NIPAL2: variants seen among roughly 807,000 people sequenced by gnomAD.
NIPAL2 encodes NIPA like domain containing 2.
NIPAL2 carries 43 observed loss-of-function variants against 48.9 expected under a neutral mutation model. That is an observed-to-expected ratio of 0.88 (90% CI 0.69 to 1.13). The LOEUF (loss-of-function observed/expected upper bound fraction) is 1.13, where lower values mean the gene tolerates loss of function less well. Ranked by LOEUF, NIPAL2 falls within the 50% of genes most tolerant of loss-of-function variation. The pLI, the probability that NIPAL2 is intolerant of heterozygous loss-of-function variation, is 0.00. For synonymous variants in NIPAL2, 167 were observed against 174.6 expected, an observed-to-expected ratio of 0.96 and a Z score of 0.34; for missense variants, 446 against 461.4, an observed-to-expected ratio of 0.97 and a Z score of 0.31.
Position 98,263,536 on chromosome 8 carries a change from T to G in NIPAL2, c.136-9449A>C, listed in dbSNP as rs1032407809. On this transcript the variant is annotated intron_variant, in intron 1 of 10. Coordinates refer to ENST00000430223, the MANE Select transcript of NIPAL2 (RefSeq NM_001321635.2). Reference sequence around the variant, plus strand: ...ATAAACTAGAAAATCTAGAAGAAATTGATAAATTCCTCGACACATACACTC... The same window carrying G: ...ATAAACTAGAAAATCTAGAAGAAATGGATAAATTCCTCGACACATACACTC... 4.7e-3 allele frequency among the ~76,000 whole-genome samples: 692 copies of G among 148,592 alleles called. 5 individuals carry two copies. The highest frequency in any genetic ancestry group is 0.017 in the African/African-American group (658 of 38,922).
intron 2 of NIPAL2, among the ~76,000 whole-genome samples, chr8:98,252,927 A>G (rs2130830432): frequency 6.6e-6 from 1 of 152,192 alleles, no homozygotes; most frequent in South Asian, 2.1e-4. Context: ...AGAAATAAAC[A>G]TTTCATACAT....
At chr8:98,245,838 G>A (rs1201212510) in intron 3 of NIPAL2, among the ~76,000 whole-genome samples, 3 of 152,208 alleles carry the variant, frequency 2.0e-5, no homozygotes, top group African/African-American at 7.2e-5. Flanking sequence ...AAACTTCAGA[G>A]TTTTATTTCA....
At chr8:98,282,533 C>T (rs1265784086) in intron 1 of NIPAL2, among the ~76,000 whole-genome samples, 1 of 152,000 alleles carries the variant, frequency 6.6e-6, no homozygotes. Flanking sequence ...ACCAGCTGGG[C>T]GTGGTGGCAC....
chr8:98,206,605 A>G (rs937794717), intron 6 of NIPAL2, among the ~76,000 whole-genome samples: 4 of 151,928 alleles, frequency 2.6e-5, no homozygotes, highest in African/African-American at 9.7e-5. Flanking sequence ...TGGCTAGCAC[A>G]GTGAAACCCT....
At chr8:98,283,677 C>T (rs927014250) in intron 1 of NIPAL2, among the ~76,000 whole-genome samples, 1 of 152,200 alleles carries the variant, frequency 6.6e-6, no homozygotes, top group African/African-American at 2.4e-5. Flanking sequence ...AAGCTGGATG[C>T]TGTGAGCTCT....
chr8:98,192,118 A>G lies in NIPAL2; in HGVS notation c.*860T>C, dbSNP rs1810325489. ...GACATAGGATATTAAATTTTTCTTC[A>G]GTTTCAAGTATGATAGAATCATACA... is the stretch of plus-strand genomic sequence containing the variant. On this transcript the variant is annotated 3_prime_UTR_variant, in exon 11 of 11. Transcript: ENST00000430223. 6.6e-6 allele frequency: 1 copy of G among 152,228 alleles called. No homozygotes were observed. Among genetic ancestry groups the G allele is most frequent in the Non-Finnish European group, 1.5e-5 (1 of 68,044 alleles). The allele number at this position is 152,228 out of a possible 1,614,324, so 9.4% of individuals were successfully genotyped here. A position where few individuals can be genotyped will look rare whatever the true frequency, so the allele number is the denominator to read the frequency against.
rs1810359420 is a variant in NIPAL2, at chr8:98,192,857, G to A, written c.*121C>T. On this transcript the variant is annotated 3_prime_UTR_variant, in exon 11 of 11. Coordinates refer to ENST00000430223, the MANE Select transcript of NIPAL2 (RefSeq NM_001321635.2). ...TCCATAGACGCTGAGGTGGGGGAAA[G>A]GACTGAAATGAATGCTAGCACATGT... 3.0e-6 allele frequency: 2 copies of A among 669,210 alleles called. No homozygotes were observed. Among genetic ancestry groups the A allele is most frequent in the Non-Finnish European group, 5.4e-6 (2 of 372,352 alleles). 41.5% of individuals were successfully genotyped at this position (669,210 alleles called of 1,614,324 possible).
chr8:98,211,328 T>C (rs1811303895), intron 6 of NIPAL2, among the ~76,000 whole-genome samples: 1 of 152,224 alleles, frequency 6.6e-6, no homozygotes, highest in Non-Finnish European at 1.5e-5. Flanking sequence ...TTTTGTTTCT[T>C]AGTTGTCTGC....
intron 1 of NIPAL2, among the ~76,000 whole-genome samples, chr8:98,260,753 A>G (rs918252495): frequency 1.8e-4 from 27 of 152,376 alleles, no homozygotes; most frequent in African/African-American, 6.0e-4. Flanking sequence ...GCAGCCGGGA[A>G]GCTCCAACTG....
intron 1 of NIPAL2, among the ~76,000 whole-genome samples, chr8:98,292,497 G>A (rs1372950911): frequency 6.6e-6 from 1 of 152,112 alleles, no homozygotes; most frequent in African/African-American, 2.4e-5. Context: ...AGCACATTCT[G>A]GATACATCCT....
chr8:98,199,510 GGA>G (rs1810709516), intron 8 of NIPAL2, among the ~76,000 whole-genome samples: 1 of 152,126 alleles, frequency 6.6e-6, no homozygotes, highest in Admixed American at 6.6e-5. Flanking sequence ...CCAAGGGGAA[GGA>G]GAGAGATGTG....
chr8:98,250,115 C>G (rs1361273114), intron 3 of NIPAL2, among the ~76,000 whole-genome samples: 1 of 152,130 alleles, frequency 6.6e-6, no homozygotes, highest in Non-Finnish European at 1.5e-5. Context: ...CTCTCTCTCT[C>G]TCTGTCTCCT....
intron 1 of NIPAL2, among the ~76,000 whole-genome samples, chr8:98,278,016 G>A (rs1159873670): frequency 6.6e-6 from 1 of 152,046 alleles, no homozygotes. Flanking sequence ...CAAACTCTCT[G>A]TCACTCTGCA....
rs71572005 is a variant in NIPAL2, at chr8:98,280,736, C to CTATATATATA, written c.135+13257_135+13266dup. 4.7e-3 allele frequency among the ~76,000 whole-genome samples: 182 copies of CTATATATATA among 38,982 alleles called. 10 individuals are homozygous for CTATATATATA. Among genetic ancestry groups the CTATATATATA allele is most frequent in the South Asian group, 6.8e-3 (6 of 886 alleles). The allele number at this position is 38,982 out of a possible 152,430, so 25.6% of individuals were successfully genotyped here. On this transcript the variant is annotated intron_variant, in intron 1 of 10. Transcript: ENST00000430223. ...CCTCTGACTTTCAAATAGTCCATTACTATATATATATATATATATATATAT... is the reference window on the plus strand; with the variant it reads ...CCTCTGACTTTCAAATAGTCCATTACTATATATATATATATATATATATATATATATATAT...
intron 10 of NIPAL2, 40 bp downstream of exon 10, chr8:98,194,687 TA>T: frequency 8.8e-7 from 1 of 1,132,706 alleles, no homozygotes; most frequent in South Asian, 1.7e-5. Flanking sequence ...TATTCATTTA[TA>T]AGGATCAAAT....
At chr8:98,237,603 T>C (rs1430202059) in intron 3 of NIPAL2, among the ~76,000 whole-genome samples, 1 of 152,120 alleles carries the variant, frequency 6.6e-6, no homozygotes, top group Non-Finnish European at 1.5e-5. Context: ...AGCAGAACAC[T>C]CAAAGAGCTA....
At chr8:98,237,450 C>T (rs1475083246) in intron 3 of NIPAL2, among the ~76,000 whole-genome samples, 1 of 152,074 alleles carries the variant, frequency 6.6e-6, no homozygotes, top group Non-Finnish European at 1.5e-5. Flanking sequence ...AGACCTTTAG[C>T]TTCCCTCTGA....
intron 1 of NIPAL2, among the ~76,000 whole-genome samples, chr8:98,273,587 T>C (rs1815269312): frequency 6.6e-6 from 1 of 152,138 alleles, no homozygotes; most frequent in South Asian, 2.1e-4. Flanking sequence ...TAGATAGAGA[T>C]ATTTGTCCAA....
rs1476721857 is a variant in NIPAL2, at chr8:98,292,455, A to G, written c.135+1548T>C. Among the ~76,000 whole-genome samples, 3 of 152,236 alleles carry G rather than the reference A, an allele frequency of 2.0e-5. No homozygotes were observed. The East Asian group carries it at 5.8e-4, about 29-fold the overall frequency. On this transcript the variant is annotated intron_variant, in intron 1 of 10. Coordinates refer to ENST00000430223, the MANE Select transcript of NIPAL2 (RefSeq NM_001321635.2). The stretch of plus-strand genomic sequence containing the variant: ...TGATACAGTTTTATCTCAAACCAGC[A>G]AAGTTTAGATGTCAGCTCAGTAATT...
Sources: allele counts gnomAD v4.1 joint callset (sites outside exome capture counted in the v4.1 genomes callset), GRCh38; gene constraint gnomAD v4.1.1; transcripts MANE v1.5; gene names NCBI Gene and HGNC (gene_info 2026-07-23, HGNC 2026-07-21).